REV1: variants seen among roughly 807,000 people sequenced by gnomAD.
The protein encoded by REV1 is translesion synthesis protein REV1.
In REV1, 42 loss-of-function variants were observed where a neutral mutation model predicts 137.4. That is an observed-to-expected ratio of 0.31 (90% CI 0.24 to 0.40). The LOEUF is 0.40. Ranked by LOEUF, REV1 falls within the 10% of genes least tolerant of loss-of-function variation. The pLI is 1.00. For missense variants in REV1, 1,282 were observed against 1,490.1 expected (o/e 0.86, Z 2.30); for synonymous variants, 524 against 519.2 (o/e 1.01, Z -0.12).
chr2:99,425,443 G>A (rs1037674535), intron 9 of REV1, among the ~76,000 whole-genome samples: 29 of 152,158 alleles, frequency 1.9e-4, no homozygotes, highest in Admixed American at 2.0e-4. Flanking sequence ...AGGACTTAGC[G>A]AGGTGCTGGG....
At chr2:99,415,873 G>C (rs933821990) in intron 12 of REV1, among the ~76,000 whole-genome samples, 4 of 152,256 alleles carry the variant, frequency 2.6e-5, no homozygotes, top group African/African-American at 9.6e-5. Context: ...CAAAGATCCA[G>C]AGAAAAAGTA....
chr2:99,406,050 A>G lies in REV1; in HGVS notation c.2671T>C (p.Leu891=). The G allele has an allele frequency of 6.2e-7, 1 of 1,613,956 alleles. No individual in the cohort carries two copies. The highest frequency in any genetic ancestry group is 8.5e-7 in the Non-Finnish European group (1 of 1,179,974). The change falls in exon 17 of 23, where the codon TTG becomes CTG. Residue 891 remains leucine, a synonymous_variant. Transcript: ENST00000258428. ...ISSASRTCTF[L]PPFPAHLPTS... ...GGCAGATGTGCAGGAAAAGGTGGCA[A>G]GAAAGTGCAAGTTCTAGAAGCAGAT...
rs1312043597 is a variant in REV1 at position 99,487,670 on chromosome 2, T to C, written c.-11+2147A>G. On this transcript the variant is annotated intron_variant, in intron 1 of 22. Coordinates refer to ENST00000258428, the MANE Select transcript of REV1 (RefSeq NM_016316.4). Reference sequence around the variant, plus strand: ...AAACTTTTCATTTTTAAATGTTCTGTTTAATATACTCTATGATTAGTAATA... The same window carrying C: ...AAACTTTTCATTTTTAAATGTTCTGCTTAATATACTCTATGATTAGTAATA... Among the ~76,000 whole-genome samples, 5 of 119,282 alleles carry C rather than the reference T, an allele frequency of 4.2e-5. 2 individuals carry two copies. The East Asian group carries it at 1.1e-3, about 27-fold the overall frequency. The allele number at this position is 119,282 out of a possible 152,430, so 78.3% of individuals were successfully genotyped here.
At chr2:99,430,611 T>C (rs1238513249) in intron 8 of REV1, among the ~76,000 whole-genome samples, 1 of 152,172 alleles carries the variant, frequency 6.6e-6, no homozygotes. Flanking sequence ...GTGATCAGAG[T>C]ATCGATGCTT....
At chr2:99,447,645 C>T (rs537952005) in intron 4 of REV1, among the ~76,000 whole-genome samples, 2 of 152,270 alleles carry the variant, frequency 1.3e-5, no homozygotes, top group South Asian at 2.1e-4. Context: ...TTATTTCTCA[C>T]ATAACCACAG....
rs555593140 is a variant in REV1 at position 99,479,071 on chromosome 2, T to C, written c.-11+10746A>G. Among the ~76,000 whole-genome samples the C allele has an allele frequency of 1.2e-4, 19 of 152,272 alleles. 1 individual carries two copies. The South Asian group carries it at 3.1e-3, about 25-fold the overall frequency. ...CAGGCTGGGCACAGTTGCTCATACCTGTAATCCCAGCACTTTAGGAGACCG... is the reference window on the plus strand; with the variant it reads ...CAGGCTGGGCACAGTTGCTCATACCCGTAATCCCAGCACTTTAGGAGACCG... On this transcript the variant is annotated intron_variant, in intron 1 of 22. Coordinates refer to ENST00000258428, the MANE Select transcript of REV1 (RefSeq NM_016316.4).
intron 12 of REV1, among the ~76,000 whole-genome samples, chr2:99,414,724 C>A (rs1443762924): frequency 6.6e-6 from 1 of 152,234 alleles, no homozygotes; most frequent in African/African-American, 2.4e-5. Context: ...GTCCCTCCCA[C>A]TATTGCCTCA....
At chr2:99,460,739 C>G (rs1300903140) in intron 3 of REV1, among the ~76,000 whole-genome samples, 3 of 151,804 alleles carry the variant, frequency 2.0e-5, no homozygotes, top group African/African-American at 7.3e-5. Context: ...TTTATTTGTA[C>G]AGTTATAATG....
In REV1 at chr2:99,429,842, G is replaced by T; in HGVS notation, c.1545C>A (p.Ala515=). Residue 515 remains alanine, a splice_region_variant and synonymous_variant, in exon 9 of 23, where the codon GCC becomes GCA. Transcript: ENST00000258428. ...RAEIASCSYE[A]RQLGIKNGMF... is the part of the protein sequence containing the mutation. ...TGTAACACACAACTTCTACATACCT[G>T]GCCTCATAACTACAAGATGCAATTT... 6.4e-7 allele frequency: 1 copy of T among 1,565,938 alleles called. No individual in the cohort carries two copies. The highest frequency in any genetic ancestry group is 8.7e-7 in the Non-Finnish European group (1 of 1,151,432).
At chr2:99,444,336 C>T (rs992938921) in intron 4 of REV1, among the ~76,000 whole-genome samples, 4 of 152,244 alleles carry the variant, frequency 2.6e-5, no homozygotes, top group Non-Finnish European at 4.4e-5. Flanking sequence ...GCCAGCTGCA[C>T]ATCTCAGGTA....
At chr2:99,451,504 A>G in intron 3 of REV1, 1 of 1,302,890 alleles carries the variant, frequency 7.7e-7, no homozygotes, top group South Asian at 1.2e-5. Context: ...AAACCAATCT[A>G]GTTAAAAGGC....
At position 99,408,076 on chromosome 2, in the gene REV1, G is replaced by T. The variant is rs908588319; in HGVS notation, c.2401C>A (p.Leu801Ile). ...AGTTTCATTGTATGAAACATGTTTA[G>T]CATCGCCTTTCCAATTATTTTTGCA... ...DNAKIIGKAMLNMFHTMKLNI... is the reference protein window; with the variant it reads ...DNAKIIGKAMINMFHTMKLNI... Residue 801 changes from leucine (L) to isoleucine (I), a missense_variant, in exon 15 of 23, where the codon CTA (leucine) becomes ATA (isoleucine). By Grantham distance (5) the Leu-to-Ile change is conservative. Coordinates refer to ENST00000258428, the MANE Select transcript of REV1 (RefSeq NM_016316.4). 6.2e-7 allele frequency: 1 copy of T among 1,610,110 alleles called. No individual in the cohort carries two copies. Among genetic ancestry groups the T allele is most frequent in the Non-Finnish European group, 8.5e-7 (1 of 1,178,054 alleles).
chr2:99,413,019 C>T (rs1677388093), intron 12 of REV1, 68 bp from the exon 13 acceptor site: 1 of 1,101,282 alleles, frequency 9.1e-7, no homozygotes, highest in Non-Finnish European at 1.4e-6. Context: ...ACACAAAATA[C>T]CCACCATTTA....
intron 14 of REV1, 89 bp downstream of exon 14, chr2:99,410,606 A>G: frequency 8.4e-7 from 1 of 1,193,034 alleles, no homozygotes; most frequent in Non-Finnish European, 1.2e-6. Context: ...TCTTTATTCA[A>G]ACTCCTCCTT....
intron 1 of REV1, among the ~76,000 whole-genome samples, chr2:99,473,320 A>C (rs1415357263): frequency 6.7e-6 from 1 of 150,044 alleles, no homozygotes. Flanking sequence ...GTGAGCCAAG[A>C]TCGTGCCACT....
chr2:99,488,041 G>A (rs889462103), intron 1 of REV1, among the ~76,000 whole-genome samples: 1 of 118,826 alleles, frequency 8.4e-6, no homozygotes, highest in Non-Finnish European at 1.8e-5. Flanking sequence ...AACTTAACTT[G>A]TCCAGTCACC....
At chr2:99,480,498 T>C (rs192872218) in intron 1 of REV1, among the ~76,000 whole-genome samples, 3 of 152,252 alleles carry the variant, frequency 2.0e-5, no homozygotes, top group African/African-American at 4.8e-5. Context: ...CAAGTGTAAA[T>C]TGGGTGGGAG....
rs550013442 is a variant in REV1 at position 99,422,859 on chromosome 2, C to G, written c.1677-1206G>C. On this transcript the variant is annotated intron_variant, in intron 10 of 22. Coordinates refer to ENST00000258428, the MANE Select transcript of REV1 (RefSeq NM_016316.4). The stretch of plus-strand genomic sequence containing the variant: ...GATGCTTGCTCTAGGGCTTCAATAC[C>G]CAGGACACAGGAGCACCACAGTACT... Among the ~76,000 whole-genome samples, 86 of 152,236 alleles carry G rather than the reference C, an allele frequency of 5.6e-4. 1 individual carries two copies. Among genetic ancestry groups the G allele is most frequent in the Non-Finnish European group, 9.4e-4 (64 of 68,016 alleles).
At chr2:99,408,214 A>T in intron 14 of REV1, 83 bp from the exon 15 acceptor site, 2 of 684,580 alleles carry the variant, frequency 2.9e-6, no homozygotes, top group Non-Finnish European at 4.6e-6. Context: ...TGTTTAAAAG[A>T]GTTATAGAAA....
Sources: gnomAD v4.1 joint callset for allele counts (sites outside exome capture counted in the v4.1 genomes callset) on GRCh38, gnomAD v4.1.1 for gene constraint, MANE v1.5 for transcripts, NCBI Gene and HGNC (gene_info 2026-07-23, HGNC 2026-07-21) for gene names.